MRLN: variants seen among roughly 807,000 people sequenced by gnomAD.
The protein encoded by MRLN is Linc-RNA activator of myogenesis.
chr10:59,744,212 A>C, intron 1 of MRLN: 1 of 157,648 alleles, frequency 6.3e-6, no homozygotes, highest in Non-Finnish European at 1.4e-5. Flanking sequence ...CTGTCTAGGA[A>C]GTGAGGAGCG....
intron 1 of MRLN, among the ~76,000 whole-genome samples, chr10:59,750,062 CTTTTTTTTTTTTTTTTT>C (rs71006289): frequency 1.7e-5 from 1 of 58,824 alleles, no homozygotes; most frequent in Non-Finnish European, 2.9e-5. Context: ...CTCTCTCTCT[CTTTTTTTTTTTTTTTTT>C]TTTTTTTTTT....
chr10:59,737,384 C>T (rs1211708961), intron 2 of MRLN, among the ~76,000 whole-genome samples, 164 bp from the exon 3 acceptor site: 1 of 152,144 alleles, frequency 6.6e-6, no homozygotes, highest in Non-Finnish European at 1.5e-5. Flanking sequence ...ATATTTTTCT[C>T]CCATTTATTT....
intron 1 of MRLN, chr10:59,739,473 T>C (rs1840958639): frequency 6.6e-6 from 1 of 152,234 alleles, no homozygotes; most frequent in African/African-American, 2.4e-5. Flanking sequence ...ATATAAGTGC[T>C]ATGTAAATAG....
At chr10:59,746,917 A>G (rs1841049693) in intron 1 of MRLN, among the ~76,000 whole-genome samples, 1 of 152,196 alleles carries the variant, frequency 6.6e-6, no homozygotes, top group African/African-American at 2.4e-5. Context: ...CTCCTGCCTC[A>G]GCCTCCTGAG....
At chr10:59,745,915 C>CA (rs1171317179) in intron 1 of MRLN, among the ~76,000 whole-genome samples, 1 of 151,902 alleles carries the variant, frequency 6.6e-6, no homozygotes, top group Non-Finnish European at 1.5e-5. Flanking sequence ...ACCACAACAA[C>CA]AAAAAAACAA....
chr10:59,742,251 C>T (rs951195072), intron 1 of MRLN, among the ~76,000 whole-genome samples: 2 of 152,120 alleles, frequency 1.3e-5, no homozygotes, highest in East Asian at 1.9e-4. Flanking sequence ...AATTAAACTA[C>T]AGCTATAGAC....
chr10:59,748,382 A>G (rs1841064306), intron 1 of MRLN, among the ~76,000 whole-genome samples: 1 of 152,190 alleles, frequency 6.6e-6, no homozygotes, highest in African/African-American at 2.4e-5. Flanking sequence ...CCCGAAGTTG[A>G]ATTATATGAG....
At chr10:59,744,088 G>A (rs113665165) in intron 1 of MRLN, 3,486 of 169,220 alleles carry the variant, frequency 0.021, 61 homozygotes, top group Non-Finnish European at 0.031. Flanking sequence ...CCGCCACCCC[G>A]TCTAGGAAGT....
intron 1 of MRLN, among the ~76,000 whole-genome samples, chr10:59,743,505 G>T (rs895585226): frequency 6.6e-6 from 1 of 152,064 alleles, no homozygotes; most frequent in Non-Finnish European, 1.5e-5. Flanking sequence ...TTCCTGTTTG[G>T]TTTTTGCCCT....
At chr10:59,752,428 T>C (rs2070167940) in intron 1 of MRLN, among the ~76,000 whole-genome samples, 1 of 152,234 alleles carries the variant, frequency 6.6e-6, no homozygotes, top group South Asian at 2.1e-4. Context: ...ATTCTCATTT[T>C]ACAAATGAGC....
At chr10:59,740,457 C>T (rs867077976) in intron 1 of MRLN, among the ~76,000 whole-genome samples, 6 of 152,122 alleles carry the variant, frequency 3.9e-5, no homozygotes, top group African/African-American at 1.4e-4. Flanking sequence ...TCCATGCATG[C>T]TATTGTCCCT....
Position 59,740,740 on chromosome 10 carries a change from G to A in MRLN, c.-124-2178C>T, listed in dbSNP as rs188581704. Among the ~76,000 whole-genome samples, 623 of 151,744 alleles carry A rather than the reference G, an allele frequency of 4.1e-3. 7 individuals carry two copies. The highest frequency in any genetic ancestry group is 0.014 in the African/African-American group (568 of 41,412). On this transcript the variant is annotated intron_variant, in intron 1 of 2. Transcript: ENST00000414264. The stretch of plus-strand genomic sequence containing the variant: ...TAAAAAGTTTATAAAGTAAAAAATT[G>A]CAGTATATGAAATTTAATTTTTTTC...
intron 1 of MRLN, chr10:59,744,748 A>C (rs1407334755): frequency 6.3e-6 from 1 of 158,146 alleles, no homozygotes; most frequent in East Asian, 1.8e-4. Context: ...AGGAGACTCC[A>C]TTGTGTTCTG....
chr10:59,740,020 G>T (rs1339414017), intron 1 of MRLN, among the ~76,000 whole-genome samples: 1 of 151,932 alleles, frequency 6.6e-6, no homozygotes, highest in Non-Finnish European at 1.5e-5. Flanking sequence ...GAACCTAGGA[G>T]GTGGAGGCTG....
chr10:59,746,536 C>T (rs1364446756), intron 1 of MRLN, among the ~76,000 whole-genome samples: 1 of 152,128 alleles, frequency 6.6e-6, no homozygotes, highest in East Asian at 1.9e-4. Flanking sequence ...TGGAAATGGA[C>T]TATACTGGCA....
At chr10:59,740,680 T>C (rs1317414464) in intron 1 of MRLN, among the ~76,000 whole-genome samples, 3 of 152,150 alleles carry the variant, frequency 2.0e-5, no homozygotes, top group South Asian at 2.1e-4. Context: ...CTAAGTATTA[T>C]TATTATTATG....
At chr10:59,738,790 T>G (rs897477885) in intron 1 of MRLN, 1 of 152,154 alleles carries the variant, frequency 6.6e-6, no homozygotes, top group Non-Finnish European at 1.5e-5. Context: ...AATTCTAGGA[T>G]TTTCCTGGTG....
intron 1 of MRLN, among the ~76,000 whole-genome samples, chr10:59,745,112 T>TA (rs910161165): frequency 5.2e-4 from 76 of 146,248 alleles, no homozygotes; most frequent in Middle Eastern, 3.4e-3. Context: ...CAATAAATAC[T>TA]AAAAAAAAAA....
rs927497284 is a variant in MRLN at position 59,740,498 on chromosome 10, G to C, written c.-124-1936C>G. On this transcript the variant is annotated intron_variant, in intron 1 of 2. Coordinates refer to ENST00000414264, the MANE Select transcript of MRLN (RefSeq NM_001304731.2). ...CCTTCCAGTGGGACAAGATGCCGAC[G>C]TGGACGACAGTGATATTAATGATCC... Among the ~76,000 whole-genome samples the C allele has an allele frequency of 2.0e-5, 3 of 152,078 alleles. 1 individual carries two copies. In the South Asian group the frequency reaches 6.2e-4, roughly 32 times the overall value.
Sources: gnomAD v4.1 joint callset for allele counts (sites outside exome capture counted in the v4.1 genomes callset) on GRCh38, gnomAD v4.1.1 for gene constraint, MANE v1.5 for transcripts, NCBI Gene and HGNC (gene_info 2026-07-23, HGNC 2026-07-21) for gene names.